Variants in HIC1 observed in about 807,000 individuals in gnomAD.
HIC1 encodes the protein hypermethylated in cancer 1 protein.
In HIC1, 9 loss-of-function variants were observed where a neutral mutation model predicts 26.4. The observed-to-expected ratio is 0.34, with a 90% CI of 0.21 to 0.59. HIC1 has a LOEUF of 0.59. Among genes scored for constraint, HIC1 ranks in the 20% least tolerant of loss-of-function variants. The pLI is 0.82. For missense variants in HIC1, 965 were observed against 1,075.7 expected (o/e 0.90, Z 1.44); for synonymous variants, 631 against 523.1 (o/e 1.21, Z -2.81).
chr17:2,060,769 A>G lies in HIC1; in HGVS notation c.*1934A>G, dbSNP rs571406691. The G allele has an allele frequency of 1.3e-5, 2 of 152,364 alleles. No homozygotes were observed. Among genetic ancestry groups the G allele is most frequent in the East Asian group, 3.9e-4 (2 of 5,172 alleles). The allele number at this position is 152,364 out of a possible 1,614,324, so 9.4% of individuals were successfully genotyped here. A position where few individuals can be genotyped will look rare whatever the true frequency, so the allele number is the denominator to read the frequency against. ...CCCGAGAGCACGGGCCTGAGACCAG[A>G]TGCCCCTTTCCTCTAGACTCATGAC... On this transcript the variant is annotated 3_prime_UTR_variant, in exon 2 of 2. Transcript: ENST00000619757.
At chr17:2,056,304 C>A in intron 1 of HIC1, 1 of 1,612,890 alleles carries the variant, frequency 6.2e-7, no homozygotes, top group Non-Finnish European at 8.5e-7. Flanking sequence ...AAGTTCTCCG[C>A]CCTGAATGAC....
Position 2,055,860 on chromosome 17 carries a change from G to A in HIC1, c.-21+622G>A, listed in dbSNP as rs2151367781. On this transcript the variant is annotated intron_variant, in intron 1 of 1. Transcript: ENST00000619757. The surrounding 1 kb of genome is among the most constrained non-coding windows in gnomAD (Gnocchi z 6.4). ...TTCCGGGGGAGAAGGGGCCGGGGGA[G>A]CCGCGGAGGGAGGCGCCGGGCCCGC... 6.6e-6 allele frequency among the ~76,000 whole-genome samples: 1 copy of A among 151,334 alleles called. No homozygotes were observed. The highest frequency in any genetic ancestry group is 2.4e-5 in the African/African-American group (1 of 41,406).
rs1437210421 is a variant in HIC1, at chr17:2,056,834, C to T, written c.144C>T (p.Ala48=). The T allele has an allele frequency of 3.7e-6, 6 of 1,612,926 alleles. No homozygotes were observed. The highest frequency in any genetic ancestry group is 1.3e-5 in the African/African-American group (1 of 75,066). Residue 48 remains alanine, a synonymous_variant, in exon 2 of 2, where the codon GCC becomes GCT. Transcript: ENST00000619757. ...GCGCGCACAAGAACGTGCTGGCGGCCAGCAGCGCCTACCTCAAGTCCCTGG... is the reference window on the plus strand; with the variant it reads ...GCGCGCACAAGAACGTGCTGGCGGCTAGCAGCGCCTACCTCAAGTCCCTGG... The part of the protein sequence containing the change: ...LFRAHKNVLA[A]SSAYLKSLVV...
At chr17:2,056,618 C>T (rs1317526637) in intron 1 of HIC1, 53 bp from the exon 2 acceptor site, 2 of 1,472,344 alleles carry the variant, frequency 1.4e-6, no homozygotes, top group East Asian at 2.5e-5. Flanking sequence ...GGGCTGGGGC[C>T]AGGCGGCCAG....
At position 2,061,745 on chromosome 17, in the gene HIC1, T is replaced by A; in HGVS notation, c.*2910T>A. On this transcript the variant is annotated 3_prime_UTR_variant, in exon 2 of 2. Coordinates refer to ENST00000619757, the MANE Select transcript of HIC1 (RefSeq NM_006497.4). ...GCCACGCTAGCCGTGTCTTGGCTCTTCTACCAGTCCTTTCCTCCGTCCGGG... is the reference window on the plus strand; with the variant it reads ...GCCACGCTAGCCGTGTCTTGGCTCTACTACCAGTCCTTTCCTCCGTCCGGG... The A allele has an allele frequency of 8.7e-7, 1 of 1,147,386 alleles. No homozygotes were observed. Among genetic ancestry groups the A allele is most frequent in the Non-Finnish European group, 1.2e-6 (1 of 810,284 alleles). The allele number at this position is 1,147,386 out of a possible 1,614,324, so 71.1% of individuals were successfully genotyped here. A position where few individuals can be genotyped will look rare whatever the true frequency, so the allele number is the denominator to read the frequency against.
chr17:2,058,851 C>G lies in HIC1; in HGVS notation c.*16C>G, dbSNP rs1378760110. Reference sequence around the variant, plus strand: ...TCCCACCTAGAGCGCCCCTCGCCAGCCCGCTCTGTCGCTGCTGCGCGGCCC... The same window carrying G: ...TCCCACCTAGAGCGCCCCTCGCCAGGCCGCTCTGTCGCTGCTGCGCGGCCC... On this transcript the variant is annotated 3_prime_UTR_variant, in exon 2 of 2. Coordinates refer to ENST00000619757, the MANE Select transcript of HIC1 (RefSeq NM_006497.4). 2 of 1,421,122 alleles carry G rather than the reference C, an allele frequency of 1.4e-6. No homozygotes were observed. Among genetic ancestry groups the G allele is most frequent in the African/African-American group, 3.0e-5 (2 of 66,346 alleles). 88.0% of individuals were successfully genotyped at this position (1,421,122 alleles called of 1,614,324 possible).
rs1247580413 is a variant in HIC1, at chr17:2,057,389, C to T, written c.699C>T (p.Ser233=). The change falls in exon 2 of 2, where the codon TCC becomes TCT. Residue 233 remains serine, a synonymous_variant. Transcript: ENST00000619757. ...LDLSKKSPPG[S]AAPERPLAER... ...TGTCCAAGAAGAGCCCGCCGGGCTC[C>T]GCGGCGCCAGAGCGGCCGCTGGCTG... is the stretch of plus-strand genomic sequence containing the variant. 6.9e-7 allele frequency: 1 copy of T among 1,442,144 alleles called. No homozygotes were observed. Among genetic ancestry groups the T allele is most frequent in the Non-Finnish European group, 9.1e-7 (1 of 1,104,446 alleles). The allele number at this position is 1,442,144 out of a possible 1,614,324, so 89.3% of individuals were successfully genotyped here.
chr17:2,061,555 C>T lies in HIC1; in HGVS notation c.*2720C>T, dbSNP rs776762033. ...CCCGTACAGGAACATTCCTTGTGAG[C>T]GCCTTCACACGCAGGTTCCGGTCAT... On this transcript the variant is annotated 3_prime_UTR_variant, in exon 2 of 2. Transcript: ENST00000619757. The T allele has an allele frequency of 1.3e-5, 21 of 1,571,862 alleles. No homozygotes were observed. The highest frequency in any genetic ancestry group is 5.4e-5 in the African/African-American group (4 of 73,846).
Position 2,056,331 on chromosome 17 carries a change from A to T in HIC1, c.-20-340A>T, listed in dbSNP as rs755570032. ...CTGAATGACTTTTCCTGAAGCGGAC[A>T]TTTTACTTAAATCGGGTAACTGTCT... On this transcript the variant is annotated intron_variant, in intron 1 of 1. Transcript: ENST00000619757. 4 of 1,613,540 alleles carry T rather than the reference A, an allele frequency of 2.5e-6. No individual in the cohort carries two copies. The South Asian group carries it at 3.3e-5, about 13-fold the overall frequency.
chr17:2,057,441 A>C lies in HIC1; in HGVS notation c.751A>C (p.Ser251Arg). The change falls in exon 2 of 2, where the codon AGC (serine) becomes CGC (arginine). Residue 251 changes from serine (S) to arginine (R), a missense_variant. This residue lies in a region of HIC1 where 526 missense variants were observed against 525.0 expected (regional missense o/e 1.00). Transcript: ENST00000619757. ...GCGCGAGCTGCCCCCGCGCCCGGACAGCCCTCCCAGCGCCGGCCCCGCCGC... is the reference window on the plus strand; with the variant it reads ...GCGCGAGCTGCCCCCGCGCCCGGACCGCCCTCCCAGCGCCGGCCCCGCCGC... ...AERELPPRPD[S>R]PPSAGPAAYK... is the part of the protein sequence containing the mutation. 1 of 1,454,104 alleles carries C rather than the reference A, an allele frequency of 6.9e-7. No individual in the cohort carries two copies. Among genetic ancestry groups the C allele is most frequent in the Non-Finnish European group, 9.0e-7 (1 of 1,110,748 alleles). 90.1% of individuals were successfully genotyped at this position (1,454,104 alleles called of 1,614,324 possible).
chr17:2,056,742 C>G lies in HIC1; in HGVS notation c.52C>G (p.Leu18Val). 1 of 1,611,366 alleles carries G rather than the reference C, an allele frequency of 6.2e-7. No homozygotes were observed. Among genetic ancestry groups the G allele is most frequent in the South Asian group, 1.1e-5 (1 of 91,010 alleles). Reference protein sequence around the residue: ...PGHSRQLLLQLNNQRTKGFLC... With the variant: ...PGHSRQLLLQVNNQRTKGFLC... ...CCACTCCAGGCAGCTGCTGCTGCAG[C>G]TCAACAACCAGCGCACCAAGGGCTT... Residue 18 changes from leucine to valine, a missense_variant, in exon 2 of 2, where the codon CTC becomes GTC. Physicochemically the swap from Leu to Val is conservative, Grantham distance 32 (BLOSUM62 1). Transcript: ENST00000619757.
At chr17:2,056,240 T>C (rs1479186087) in intron 1 of HIC1, 2 of 1,366,366 alleles carry the variant, frequency 1.5e-6, no homozygotes, top group African/African-American at 1.4e-5. Flanking sequence ...TGGGGCAACT[T>C]CTCCCGAGGC....
At chr17:2,056,455 C>A in intron 1 of HIC1, 1 of 1,367,268 alleles carries the variant, frequency 7.3e-7, no homozygotes, top group Non-Finnish European at 1.0e-6. Context: ...TCCCCTCCAC[C>A]GGCGGCCGCT....
In HIC1 at chr17:2,058,815, G is replaced by A. The variant is rs2067703033; in HGVS notation, c.2125G>A (p.Asp709Asn). ...LAAGPDGRTIDRFSPT is the reference protein window; with the variant it reads ...LAAGPDGRTINRFSPT The stretch of plus-strand genomic sequence containing the variant: ...GGCCGGGCCCGACGGCCGGACCATC[G>A]ACCGTTTCTCTCCCACCTAGAGCGC... Residue 709 changes from aspartate (D) to asparagine (N), a missense_variant, in exon 2 of 2, where the codon GAC becomes AAC. Asp to Asn is a conservative substitution (Grantham distance 23, BLOSUM62 1). This residue lies in a region of HIC1 where 210 missense variants were observed against 179.2 expected (regional missense o/e 1.17). Transcript: ENST00000619757. 1 of 1,492,952 alleles carries A rather than the reference G, an allele frequency of 6.7e-7. No homozygotes were observed. 92.5% of individuals were successfully genotyped at this position (1,492,952 alleles called of 1,614,324 possible).
intron 1 of HIC1, 63 bp from the exon 2 acceptor site, chr17:2,056,608 G>C: frequency 6.8e-7 from 1 of 1,467,048 alleles, no homozygotes. Context: ...GAGAAGTGCC[G>C]GGCTGGGGCC....
Position 2,061,046 on chromosome 17 carries a change from G to A in HIC1, c.*2211G>A, listed in dbSNP as rs377721366. ...ACCAAAGCCTCTTGAACACATTCAC[G>A]ACAGAGGTTCTGAAGATGAAAGGGA... On this transcript the variant is annotated 3_prime_UTR_variant, in exon 2 of 2. Coordinates refer to ENST00000619757, the MANE Select transcript of HIC1 (RefSeq NM_006497.4). 1.7e-4 allele frequency: 28 copies of A among 163,624 alleles called. No homozygotes were observed. The highest frequency in any genetic ancestry group is 5.3e-4 in the African/African-American group (22 of 41,680). 10.1% of individuals were successfully genotyped at this position (163,624 alleles called of 1,614,324 possible). A position where few individuals can be genotyped will look rare whatever the true frequency, so the allele number is the denominator to read the frequency against.
rs1555528757 is a variant in HIC1, at chr17:2,061,464, A to AG, written c.*2629_*2630insG. Reference sequence around the variant, plus strand: ...CTGGTGGCCTTTCAGGAACGGTTCCACGGGGGGGGGGCCCCAGTGTGGCTC... The same window carrying AG: ...CTGGTGGCCTTTCAGGAACGGTTCCAGCGGGGGGGGGGCCCCAGTGTGGCTC... On this transcript the variant is annotated 3_prime_UTR_variant, in exon 2 of 2. Transcript: ENST00000619757. 1.6e-6 allele frequency: 2 copies of AG among 1,240,032 alleles called. No individual in the cohort carries two copies. Among genetic ancestry groups the AG allele is most frequent in the South Asian group, 2.6e-5 (2 of 77,634 alleles). The allele number at this position is 1,240,032 out of a possible 1,614,324, so 76.8% of individuals were successfully genotyped here. A position where few individuals can be genotyped will look rare whatever the true frequency, so the allele number is the denominator to read the frequency against.
At chr17:2,056,134 C>T in intron 1 of HIC1, 1 of 349,518 alleles carries the variant, frequency 2.9e-6, no homozygotes, top group Non-Finnish European at 5.1e-6. Context: ...CCCCGCGCGG[C>T]CGCCGCCCGG....
rs1162603814 is a variant in HIC1 at position 2,055,845 on chromosome 17, G to A, written c.-21+607G>A. 6.6e-6 allele frequency among the ~76,000 whole-genome samples: 1 copy of A among 151,512 alleles called. No individual in the cohort carries two copies. Among genetic ancestry groups the A allele is most frequent in the Non-Finnish European group, 1.5e-5 (1 of 67,800 alleles). On this transcript the variant is annotated intron_variant, in intron 1 of 1. Transcript: ENST00000619757. The surrounding 1 kb of genome is among the most constrained non-coding windows in gnomAD (Gnocchi z 6.4). ...TTTGGGGCGGCGGAGTTCCGGGGGA[G>A]AAGGGGCCGGGGGAGCCGCGGAGGG...
Sources: allele counts gnomAD v4.1 joint callset (sites outside exome capture counted in the v4.1 genomes callset), GRCh38; gene constraint gnomAD v4.1.1; regional missense constraint gnomAD v4.1.1; non-coding constraint Gnocchi (gnomAD v3.1); transcripts MANE v1.5; gene names NCBI Gene and HGNC (gene_info 2026-07-23, HGNC 2026-07-21).